Variants in DIP2B observed in about 807,000 individuals in gnomAD.
The protein encoded by DIP2B is disco-interacting protein 2 homolog B.
DIP2B carries 76 observed loss-of-function variants against 198.0 expected under a neutral mutation model. The ratio of observed to expected loss-of-function variants is 0.38; its 90% CI spans 0.32 to 0.46. The LOEUF is 0.46. Among genes scored for constraint, DIP2B ranks in the 20% least tolerant of loss-of-function variants. The pLI, the probability that DIP2B is intolerant of heterozygous loss-of-function variation, is 0.99. For missense variants in DIP2B, 1,559 were observed against 1,978.4 expected, an observed-to-expected ratio of 0.79 and a Z score of 4.02; for synonymous variants, 701 against 739.1, an observed-to-expected ratio of 0.95 and a Z score of 0.84.
intron 25 of DIP2B, 149 bp downstream of exon 25, chr12:50,719,184 A>G: frequency 1.3e-6 from 1 of 787,160 alleles, no homozygotes; most frequent in South Asian, 1.8e-5. Context: ...ATATGAGGGT[A>G]AACTGTGCAA....
chr12:50,703,094 G>A (rs1003801789), intron 19 of DIP2B, among the ~76,000 whole-genome samples: 7 of 151,836 alleles, frequency 4.6e-5, no homozygotes, highest in Admixed American at 1.3e-4. Flanking sequence ...GTGGTAACCC[G>A]CACCTGTACT....
chr12:50,725,470 A>G (rs980895509), intron 28 of DIP2B, among the ~76,000 whole-genome samples: 2 of 152,232 alleles, frequency 1.3e-5, no homozygotes, highest in African/African-American at 4.8e-5. Flanking sequence ...AGATAAGGGA[A>G]TAGCTGAAAA....
chr12:50,708,676 C>A (rs967160880), intron 22 of DIP2B, 114 bp downstream of exon 22: 3 of 801,752 alleles, frequency 3.7e-6, no homozygotes, highest in Middle Eastern at 3.6e-4. Context: ...AATCATTGCT[C>A]ACATACTCTG....
intron 4 of DIP2B, among the ~76,000 whole-genome samples, chr12:50,664,836 G>GTTTTTTT (rs1159665939): frequency 8.2e-4 from 13 of 15,922 alleles, no homozygotes; most frequent in African/African-American, 1.7e-3. Flanking sequence ...TTTGGTTTTT[G>GTTTTTTT]TTTTTTTTTT....
intron 1 of DIP2B, among the ~76,000 whole-genome samples, chr12:50,518,933 G>T (rs2139349330): frequency 6.6e-6 from 1 of 152,178 alleles, no homozygotes; most frequent in Non-Finnish European, 1.5e-5. Context: ...AGAGACAGGG[G>T]TCTCACTTTG....
chr12:50,530,704 CTA>C (rs1178628342), intron 1 of DIP2B, among the ~76,000 whole-genome samples: 1 of 152,044 alleles, frequency 6.6e-6, no homozygotes, highest in Non-Finnish European at 1.5e-5. Context: ...ATTTACGAGA[CTA>C]GTATGGAGGA....
chr12:50,696,095 T>G, intron 16 of DIP2B, 128 bp downstream of exon 16: 1 of 1,400,380 alleles, frequency 7.1e-7, no homozygotes, highest in Non-Finnish European at 9.7e-7. Context: ...ATTCAGTGGT[T>G]TTGGTATATT....
chr12:50,631,990 C>CT (rs752577696), intron 2 of DIP2B, among the ~76,000 whole-genome samples: 453 of 139,856 alleles, frequency 3.2e-3, no homozygotes, highest in East Asian at 8.4e-3. Context: ...TTTAATTTGA[C>CT]TTTTTTTTTT....
chr12:50,675,643 A>G (rs1938933421), intron 7 of DIP2B, among the ~76,000 whole-genome samples, 195 bp downstream of exon 7: 1 of 152,172 alleles, frequency 6.6e-6, no homozygotes, highest in Non-Finnish European at 1.5e-5. Context: ...GAGGGAAGGA[A>G]GAAGAGGGAA....
chr12:50,665,966 A>G (rs1185182752), intron 4 of DIP2B, among the ~76,000 whole-genome samples: 1 of 152,186 alleles, frequency 6.6e-6, no homozygotes, highest in Non-Finnish European at 1.5e-5. Context: ...TCTTTCCTAA[A>G]TATTCTAATT....
chr12:50,641,899 A>T (rs1376596890), intron 3 of DIP2B, among the ~76,000 whole-genome samples: 3 of 152,154 alleles, frequency 2.0e-5, no homozygotes, highest in Non-Finnish European at 2.9e-5. Context: ...ACTAATGGGG[A>T]TATTATTTAT....
intron 8 of DIP2B, chr12:50,680,024 T>G (rs1000257688): frequency 6.6e-6 from 1 of 152,072 alleles, no homozygotes; most frequent in Non-Finnish European, 1.5e-5. Context: ...TTTGGGAGGC[T>G]GAGACAGGTG....
intron 1 of DIP2B, among the ~76,000 whole-genome samples, chr12:50,518,718 A>G (rs1478975524): frequency 6.7e-6 from 1 of 150,312 alleles, no homozygotes; most frequent in African/African-American, 2.4e-5. Flanking sequence ...GGTATGTCTC[A>G]TTTTCCTTAG....
rs1257036024 is a variant in DIP2B, at chr12:50,721,219, A to G, written c.3043-54A>G. On this transcript the variant is annotated intron_variant, in intron 25 of 37. Coordinates refer to ENST00000301180, the MANE Select transcript of DIP2B (RefSeq NM_173602.3). ...TGATGTTGAATTGGCTGTGCTTATT[A>G]CTGTTTATTTCCTTTCTGAGCTTTG... The G allele has an allele frequency of 1.9e-6, 3 of 1,592,702 alleles. No individual in the cohort carries two copies. The African/African-American group carries it at 4.0e-5, about 21-fold the overall frequency.
In DIP2B at chr12:50,540,985, G is replaced by A. The variant is rs371653041; in HGVS notation, c.100+35745G>A. The stretch of plus-strand genomic sequence containing the variant: ...ATGATTAAAAAATTCTTTTATAGAC[G>A]TCTTTGTGTTTTCCATAGTTTCTTC... On this transcript the variant is annotated intron_variant, in intron 1 of 37. Transcript: ENST00000301180. 5.5e-4 allele frequency among the ~76,000 whole-genome samples: 84 copies of A among 152,130 alleles called. No individual in the cohort carries two copies. The South Asian group carries it at 0.016, about 29-fold the overall frequency.
intron 1 of DIP2B, among the ~76,000 whole-genome samples, chr12:50,505,617 T>A (rs577518436): frequency 6.6e-6 from 1 of 152,040 alleles, no homozygotes; most frequent in East Asian, 1.9e-4. Flanking sequence ...TCTCCTTTCC[T>A]CTCCCCTTTT....
chr12:50,521,094 GTTTTTT>G (rs386376482), intron 1 of DIP2B, among the ~76,000 whole-genome samples: 3 of 94,332 alleles, frequency 3.2e-5, no homozygotes, highest in Non-Finnish European at 6.1e-5. Context: ...TTCAGCAACA[GTTTTTT>G]TTTTTTTTTT....
chr12:50,535,527 C>T (rs930557608), intron 1 of DIP2B, among the ~76,000 whole-genome samples: 9 of 151,722 alleles, frequency 5.9e-5, no homozygotes, highest in Non-Finnish European at 8.8e-5. Context: ...CCACCATGCC[C>T]GGCTAATTTT....
chr12:50,522,048 T>C (rs1050647539), intron 1 of DIP2B, among the ~76,000 whole-genome samples: 5 of 152,160 alleles, frequency 3.3e-5, no homozygotes, highest in Non-Finnish European at 5.9e-5. Context: ...TCACCCAGAC[T>C]GGAGTGCAGT....
Sources: allele counts gnomAD v4.1 joint callset (sites outside exome capture counted in the v4.1 genomes callset), GRCh38; gene constraint gnomAD v4.1.1; transcripts MANE v1.5; gene names NCBI Gene and HGNC (gene_info 2026-07-23, HGNC 2026-07-21).